The following FAM91A1 variants were observed in gnomAD, a reference collection of about 807,000 sequenced individuals.
FAM91A1 encodes protein FAM91A1.
FAM91A1 carries 41 observed loss-of-function variants against 113.5 expected under a neutral mutation model. The observed-to-expected ratio is 0.36, with a 90% CI of 0.28 to 0.47. The LOEUF (loss-of-function observed/expected upper bound fraction) is 0.47, where lower values mean the gene tolerates loss of function less well. Among genes scored for constraint, FAM91A1 ranks in the 20% least tolerant of loss-of-function variants. The pLI, the probability that FAM91A1 is intolerant of heterozygous loss-of-function variation, is 1.00. For synonymous variants in FAM91A1, 307 were observed against 347.9 expected, an observed-to-expected ratio of 0.88 and a Z score of 1.31; for missense variants, 696 against 1,001.2, an observed-to-expected ratio of 0.70 and a Z score of 4.11.
chr8:123,807,167 C>G (rs1815831835), intron 20 of FAM91A1, among the ~76,000 whole-genome samples: 2 of 152,126 alleles, frequency 1.3e-5, no homozygotes, highest in South Asian at 4.1e-4. Context: ...GTACTTACTC[C>G]TATCTCATTT....
At position 123,768,522 on chromosome 8, in the gene FAM91A1, C is replaced by G. The variant is rs1814758261; in HGVS notation, c.-181C>G. On this transcript the variant is annotated 5_prime_UTR_variant, in exon 1 of 24. Coordinates refer to ENST00000334705, the MANE Select transcript of FAM91A1 (RefSeq NM_144963.4). ...GCCTCCAATCGCTGCTGCTCTTGTA[C>G]TCGGTTGGCCCGGGCGGCGCTGAAC... The G allele has an allele frequency of 3.8e-6, 2 of 529,094 alleles. No homozygotes were observed. The highest frequency in any genetic ancestry group is 5.4e-5 in the South Asian group (2 of 36,748). The allele number at this position is 529,094 out of a possible 1,614,324, so 32.8% of individuals were successfully genotyped here. A position where few individuals can be genotyped will look rare whatever the true frequency, so the allele number is the denominator to read the frequency against.
intron 8 of FAM91A1, among the ~76,000 whole-genome samples, chr8:123,781,096 T>C (rs1815109836): frequency 6.6e-6 from 1 of 152,232 alleles, no homozygotes; most frequent in Non-Finnish European, 1.5e-5. Context: ...ACTACAATAC[T>C]GATATGTTCA....
intron 5 of FAM91A1, 36 bp downstream of exon 5, chr8:123,778,128 C>T (rs1815033082): frequency 2.7e-6 from 4 of 1,499,832 alleles, no homozygotes; most frequent in Non-Finnish European, 3.7e-6. Flanking sequence ...GTTTTGGCCT[C>T]ATCACACAGT....
chr8:123,770,197 C>T (rs1814807573), intron 1 of FAM91A1, among the ~76,000 whole-genome samples: 1 of 152,204 alleles, frequency 6.6e-6, no homozygotes, highest in Non-Finnish European at 1.5e-5. Context: ...ATGATCCGCC[C>T]GTCTCGGCCT....
intron 4 of FAM91A1, 79 bp downstream of exon 4, chr8:123,777,401 G>A (rs1384734587): frequency 7.5e-7 from 1 of 1,332,360 alleles, no homozygotes; most frequent in Non-Finnish European, 1.1e-6. Context: ...ATATTGTCAT[G>A]TGTGTTTTTA....
intron 8 of FAM91A1, among the ~76,000 whole-genome samples, chr8:123,783,835 T>TG (rs1815183868): frequency 6.6e-6 from 1 of 152,184 alleles, no homozygotes; most frequent in South Asian, 2.1e-4. Context: ...GAGTGATGGT[T>TG]GGGCTGCCCA....
Position 123,798,372 on chromosome 8 carries a change from AGAT to A in FAM91A1, c.1560+138_1560+140del, listed in dbSNP as rs1815592891. ...CAATTTTGTATTTTATGCCTTTGTA[AGAT>A]GATATGTTCAATTTGTGGAGTGTAA... On this transcript the variant is annotated intron_variant, in intron 16 of 23. Coordinates refer to ENST00000334705, the MANE Select transcript of FAM91A1 (RefSeq NM_144963.4). 11 of 980,912 alleles carry A rather than the reference AGAT, an allele frequency of 1.1e-5. No individual in the cohort carries two copies. The South Asian group carries it at 1.9e-4, about 17-fold the overall frequency. The allele number at this position is 980,912 out of a possible 1,614,324, so 60.8% of individuals were successfully genotyped here. A position where few individuals can be genotyped will look rare whatever the true frequency, so the allele number is the denominator to read the frequency against.
intron 15 of FAM91A1, among the ~76,000 whole-genome samples, chr8:123,797,328 ATT>A (rs1238585778): frequency 6.6e-6 from 1 of 152,178 alleles, no homozygotes. Flanking sequence ...GTATAGAGAC[ATT>A]TTTAGATACA....
At chr8:123,772,110 A>G (rs1814861299) in intron 1 of FAM91A1, among the ~76,000 whole-genome samples, 1 of 152,234 alleles carries the variant, frequency 6.6e-6, no homozygotes, top group Admixed American at 6.5e-5. Context: ...TTTATATTAC[A>G]TACTTGGCCA....
At chr8:123,786,049 C>T in intron 11 of FAM91A1, 1 of 393,122 alleles carries the variant, frequency 2.5e-6, no homozygotes, top group Non-Finnish European at 5.0e-6. Flanking sequence ...GAACTCCTGG[C>T]CCCAACTGAT....
rs1468142028 is a variant in FAM91A1 at position 123,814,177 on chromosome 8, T to G, written c.*1473T>G. ...TTTGTCTTATAGAAGGTAGAAACCA[T>G]GTGTATGTTATGTTTGTCTATAAAA... On this transcript the variant is annotated 3_prime_UTR_variant, in exon 24 of 24. Coordinates refer to ENST00000334705, the MANE Select transcript of FAM91A1 (RefSeq NM_144963.4). 1 of 399,358 alleles carries G rather than the reference T, an allele frequency of 2.5e-6. No homozygotes were observed. Among genetic ancestry groups the G allele is most frequent in the South Asian group, 1.9e-5 (1 of 52,810 alleles). 24.7% of individuals were successfully genotyped at this position (399,358 alleles called of 1,614,324 possible).
chr8:123,774,187 T>C (rs2130041855), intron 2 of FAM91A1, 23 bp downstream of exon 2: 1 of 1,569,644 alleles, frequency 6.4e-7, no homozygotes, highest in Non-Finnish European at 8.7e-7. Flanking sequence ...ATGTTTATAT[T>C]GGGGTGGAAC....
In FAM91A1 at chr8:123,799,769, T is replaced by C; in HGVS notation, c.1696-3T>C. On this transcript the variant is annotated splice_region_variant and splice_polypyrimidine_tract_variant and intron_variant, in intron 17 of 23. Transcript: ENST00000334705. ...ATTTTACCTGTTAATTTCTTTTCAA[T>C]AGAGTTATGATCGATTGCTAATAAC... 1 of 1,606,692 alleles carries C rather than the reference T, an allele frequency of 6.2e-7. No individual in the cohort carries two copies. Among genetic ancestry groups the C allele is most frequent in the South Asian group, 1.1e-5 (1 of 89,104 alleles).
At chr8:123,769,771 C>A (rs947946486) in intron 1 of FAM91A1, among the ~76,000 whole-genome samples, 3 of 152,068 alleles carry the variant, frequency 2.0e-5, no homozygotes, top group African/African-American at 7.3e-5. Flanking sequence ...TTAAGTCTTA[C>A]GAAAGTAGTG....
chr8:123,778,323 C>G (rs1045532179), intron 5 of FAM91A1, among the ~76,000 whole-genome samples: 7 of 152,128 alleles, frequency 4.6e-5, no homozygotes, highest in African/African-American at 1.7e-4. Flanking sequence ...TTCTCTTAGT[C>G]TTTTTATTTG....
intron 22 of FAM91A1, among the ~76,000 whole-genome samples, chr8:123,810,034 A>G (rs1815912931): frequency 6.6e-6 from 1 of 152,324 alleles, no homozygotes; most frequent in East Asian, 1.9e-4. Flanking sequence ...TTTTTTTAAA[A>G]CAATAACTTT....
intron 9 of FAM91A1, 149 bp from the exon 10 acceptor site, chr8:123,784,931 AG>A: frequency 1.8e-6 from 1 of 544,422 alleles, no homozygotes; most frequent in Non-Finnish European, 3.2e-6. Flanking sequence ...AGATAGGGAA[AG>A]AAGAAAGTTC....
At position 123,780,464 on chromosome 8, in the gene FAM91A1, A is replaced by G; in HGVS notation, c.641-16A>G. On this transcript the variant is annotated splice_polypyrimidine_tract_variant and intron_variant, in intron 7 of 23. Coordinates refer to ENST00000334705, the MANE Select transcript of FAM91A1 (RefSeq NM_144963.4). The stretch of plus-strand genomic sequence containing the variant: ...TGTAGTGTTCCATCTAAAACAAGGT[A>G]CTTTTGTTTCTTCAGGTTTGTATAA... The G allele has an allele frequency of 6.3e-7, 1 of 1,590,386 alleles. No homozygotes were observed. The highest frequency in any genetic ancestry group is 8.6e-7 in the Non-Finnish European group (1 of 1,162,150).
rs777535055 is a variant in FAM91A1 at position 123,808,296 on chromosome 8, C to T, written c.2057C>T (p.Ser686Leu). ...GGAGAACCTGATTTGGCTTCTGGCT[C>T]AGATGTAAATGGGAGTACAGAGTCA... ...ERGEPDLASG[S>L]DVNGSTESFE... is the part of the protein sequence containing the mutation. The change falls in exon 21 of 24, where the codon TCA (serine) becomes TTA (leucine). Residue 686 changes from serine (S) to leucine (L), a missense_variant. Ser to Leu is a moderately radical substitution (Grantham distance 145, BLOSUM62 -2). Transcript: ENST00000334705. 1.2e-6 allele frequency: 2 copies of T among 1,612,810 alleles called. No individual in the cohort carries two copies. The highest frequency in any genetic ancestry group is 2.2e-5 in the South Asian group (2 of 90,940).
Sources: allele counts gnomAD v4.1 joint callset (sites outside exome capture counted in the v4.1 genomes callset), GRCh38; gene constraint gnomAD v4.1.1; transcripts MANE v1.5; gene names NCBI Gene and HGNC (gene_info 2026-07-23, HGNC 2026-07-21).